Variants in RSPH6A observed in about 807,000 individuals in gnomAD.
RSPH6A encodes radial spoke head 6 homolog A.
In RSPH6A, 49 loss-of-function variants were observed where a neutral mutation model predicts 66.1. The observed-to-expected ratio is 0.74, with a 90% CI of 0.59 to 0.94. The LOEUF (loss-of-function observed/expected upper bound fraction) is 0.94. Ranked by LOEUF, RSPH6A falls within the 40% of genes least tolerant of loss-of-function variation. RSPH6A has a pLI of 0.00. For synonymous variants in RSPH6A, 419 were observed against 402.4 expected (o/e 1.04, Z -0.49); for missense variants, 977 against 948.3 (o/e 1.03, Z -0.40).
Position 45,800,533 on chromosome 19 carries a change from C to T in RSPH6A, c.1829G>A (p.Arg610His), listed in dbSNP as rs762679225. 31 of 1,612,704 alleles carry T rather than the reference C, an allele frequency of 1.9e-5. No individual in the cohort carries two copies. The highest frequency in any genetic ancestry group is 4.5e-5 in the East Asian group (2 of 44,836). The change falls in exon 5 of 6, where the codon CGC becomes CAC. Residue 610 changes from arginine (R) to histidine (H), a missense_variant. Transcript: ENST00000221538. ...EIMHLAPWTT[R>H]LSCSLCPQYS... ...CTGCGGGCAGAGGCTGCAGGACAGG[C>T]GGGTGGTCCAGGGTGCCAGGTGCAT...
intron 1 of RSPH6A, 75 bp from the exon 2 acceptor site, chr19:45,810,915 G>C: frequency 7.8e-7 from 1 of 1,276,516 alleles, no homozygotes; most frequent in Non-Finnish European, 1.1e-6. Flanking sequence ...CATGTGCCTG[G>C]CCCTGTGCCT....
intron 3 of RSPH6A, among the ~76,000 whole-genome samples, chr19:45,803,721 A>G (rs1382737829): frequency 1.3e-5 from 2 of 151,190 alleles, no homozygotes; most frequent in East Asian, 3.9e-4. Flanking sequence ...GCCAGGGCGC[A>G]GTGGCTCATG....
intron 5 of RSPH6A, 53 bp from the exon 6 acceptor site, chr19:45,796,159 A>AT: frequency 2.2e-5 from 26 of 1,168,810 alleles, no homozygotes; most frequent in South Asian, 1.1e-4. Context: ...CCCAGACTTG[A>AT]CTTTTTTTTT....
At chr19:45,809,160 C>T (rs902529719) in intron 2 of RSPH6A, among the ~76,000 whole-genome samples, 5 of 149,838 alleles carry the variant, frequency 3.3e-5, no homozygotes, top group African/African-American at 7.4e-5. Flanking sequence ...TGCCTCCACG[C>T]CTGGCTAATT....
At chr19:45,806,669 T>C (rs950519793) in intron 2 of RSPH6A, among the ~76,000 whole-genome samples, 8 of 22,612 alleles carry the variant, frequency 3.5e-4, no homozygotes. Context: ...AGACTCTGTC[T>C]CAAAAAAAAA....
Position 45,810,768 on chromosome 19 carries a change from C to T in RSPH6A, c.723G>A (p.Glu241=). The T allele has an allele frequency of 6.2e-7, 1 of 1,614,136 alleles. No individual in the cohort carries two copies. The highest frequency in any genetic ancestry group is 8.5e-7 in the Non-Finnish European group (1 of 1,180,010). The part of the protein sequence containing the change: ...QRPEDPLSVL[E]SLNRTTQWEW... ...CCCACTGCGTGGTGCGGTTCAGAGA[C>T]TCCAGGACAGACAAGGGGTCCTCAG... Residue 241 remains glutamate, a synonymous_variant, in exon 2 of 6, where the codon GAG becomes GAA. Coordinates refer to ENST00000221538, the MANE Select transcript of RSPH6A (RefSeq NM_030785.4).
At chr19:45,810,088 G>A (rs1345251297) in intron 2 of RSPH6A, among the ~76,000 whole-genome samples, 8 of 152,272 alleles carry the variant, frequency 5.3e-5, no homozygotes, top group African/African-American at 1.4e-4. Context: ...GCAGGAGGAT[G>A]GCTTGAGGCC....
chr19:45,815,070 A>G lies in RSPH6A; in HGVS notation c.107T>C (p.Leu36Pro), dbSNP rs768724660. 10 of 1,613,428 alleles carry G rather than the reference A, an allele frequency of 6.2e-6. No individual in the cohort carries two copies. The highest frequency in any genetic ancestry group is 8.5e-6 in the Non-Finnish European group (10 of 1,180,018). ...CTGCCTCTCCTCGGGGTCCGCTGCC[A>G]GGGCCTGAGCTTGGTCCCGACTGTG... Reference protein sequence around the residue: ...RRHSRDQAQALAADPEERQQI... With the variant: ...RRHSRDQAQAPAADPEERQQI... Residue 36 changes from leucine to proline, a missense_variant, in exon 1 of 6, where the codon CTG (leucine) becomes CCG (proline). By Grantham distance (98) the Leu-to-Pro change is moderately conservative. Coordinates refer to ENST00000221538, the MANE Select transcript of RSPH6A (RefSeq NM_030785.4).
chr19:45,808,042 T>C (rs983015415), intron 2 of RSPH6A, among the ~76,000 whole-genome samples: 1 of 152,252 alleles, frequency 6.6e-6, no homozygotes, highest in Non-Finnish European at 1.5e-5. Context: ...ACATCATCTA[T>C]ATCCTAACTT....
chr19:45,806,201 C>T (rs1970540896), intron 2 of RSPH6A, among the ~76,000 whole-genome samples: 1 of 152,134 alleles, frequency 6.6e-6, no homozygotes, highest in Admixed American at 6.6e-5. Flanking sequence ...TAAGTCCTGT[C>T]TTCACTGCCT....
At chr19:45,801,950 C>T (rs564037998) in intron 4 of RSPH6A, among the ~76,000 whole-genome samples, 170 bp downstream of exon 4, 1 of 152,310 alleles carries the variant, frequency 6.6e-6, no homozygotes, top group East Asian at 1.9e-4. Flanking sequence ...TGGACATGTT[C>T]CCAGAACCTC....
chr19:45,804,787 TCCTCCTCCTCTG>T lies in RSPH6A; in HGVS notation c.1106_1117del (p.Ala369_Glu372del), dbSNP rs1387475249. 5 of 1,610,388 alleles carry T rather than the reference TCCTCCTCCTCTG, an allele frequency of 3.1e-6. No homozygotes were observed. Among genetic ancestry groups the T allele is most frequent in the Admixed American group, 1.7e-5 (1 of 59,668 alleles). On this transcript the variant is annotated inframe_deletion, in exon 3 of 6. Transcript: ENST00000221538. The surrounding 1 kb of genome is among the most constrained non-coding windows in gnomAD (Gnocchi z 5.8). ...GCCACCTTCCGTCATCTCCTCCACC[TCCTCCTCCTCTG>T]CCTCCTCCTCGCCCTCCCGGAATTC...
At chr19:45,802,002 G>T in intron 4 of RSPH6A, 118 bp downstream of exon 4, 1 of 1,058,088 alleles carries the variant, frequency 9.5e-7, no homozygotes, top group Non-Finnish European at 1.2e-6. Flanking sequence ...TTAGCTGAGA[G>T]AGCCTCTGAG....
chr19:45,798,863 A>T (rs957893800), intron 5 of RSPH6A, among the ~76,000 whole-genome samples: 3 of 151,274 alleles, frequency 2.0e-5, no homozygotes, highest in Admixed American at 6.6e-5. Context: ...GAAAGAAAAG[A>T]AAAACAAAAA....
At position 45,810,914 on chromosome 19, in the gene RSPH6A, G is replaced by C. The variant is rs114373619; in HGVS notation, c.651-74C>G. The C allele has an allele frequency of 3.4e-3, 4,477 of 1,300,498 alleles. 118 individuals carry two copies. The African/African-American group carries it at 0.058, about 17-fold the overall frequency. 80.6% of individuals were successfully genotyped at this position (1,300,498 alleles called of 1,614,324 possible). On this transcript the variant is annotated intron_variant, in intron 1 of 5. Coordinates refer to ENST00000221538, the MANE Select transcript of RSPH6A (RefSeq NM_030785.4). ...TCACTGAGCTGGCTCCCATGTGCCT[G>C]GCCCTGTGCCTGGTGCTGGGGACAC...
In RSPH6A at chr19:45,804,207, C is replaced by T. The variant is rs1487655161; in HGVS notation, c.1653+45G>A. 6 of 1,507,584 alleles carry T rather than the reference C, an allele frequency of 4.0e-6. No homozygotes were observed. Among genetic ancestry groups the T allele is most frequent in the Non-Finnish European group, 5.4e-6 (6 of 1,102,622 alleles). The allele number at this position is 1,507,584 out of a possible 1,614,324, so 93.4% of individuals were successfully genotyped here. On this transcript the variant is annotated intron_variant, in intron 3 of 5. Transcript: ENST00000221538. The surrounding 1 kb of genome is among the most constrained non-coding windows in gnomAD (Gnocchi z 5.8). The stretch of plus-strand genomic sequence containing the variant: ...CAGTATTGCAGGGTCATGCGTGAGC[C>T]CCCTGCTCCTGCCGTTTGTGAGAGG...
rs750975123 is a variant in RSPH6A at position 45,800,480 on chromosome 19, G to T, written c.1882C>A (p.Leu628Ile). The T allele has an allele frequency of 6.2e-7, 1 of 1,613,518 alleles. No individual in the cohort carries two copies. Among genetic ancestry groups the T allele is most frequent in the South Asian group, 1.1e-5 (1 of 91,066 alleles). ...GCATAGGCATAGGCCCCGGGCCAGA[G>T]GTTGGAGCGCACAACGGCCACTGAG... ...QYSVAVVRSN[L>I]WPGAYAYASG... is the part of the protein sequence containing the mutation. The change falls in exon 5 of 6, where the codon CTC becomes ATC. Residue 628 changes from leucine to isoleucine, a missense_variant. Transcript: ENST00000221538.
At chr19:45,803,719 G>T (rs1406334477) in intron 3 of RSPH6A, among the ~76,000 whole-genome samples, 1 of 149,842 alleles carries the variant, frequency 6.7e-6, no homozygotes, top group Non-Finnish European at 1.5e-5. Flanking sequence ...CAGCCAGGGC[G>T]CAGTGGCTCA....
chr19:45,814,393 C>T (rs908310287), intron 1 of RSPH6A, 134 bp downstream of exon 1: 1 of 736,584 alleles, frequency 1.4e-6, no homozygotes. Context: ...GGCATTGATT[C>T]CGACTCAGCT....
Sources: gnomAD v4.1 joint callset for allele counts (sites outside exome capture counted in the v4.1 genomes callset) on GRCh38, gnomAD v4.1.1 for gene constraint, Gnocchi (gnomAD v3.1) non-coding constraint, MANE v1.5 for transcripts, NCBI Gene and HGNC (gene_info 2026-07-23, HGNC 2026-07-21) for gene names.